Variants in FAN1 observed in about 807,000 individuals in gnomAD.
FAN1 encodes the protein fanconi-associated nuclease 1.
A neutral mutation model predicts 104.9 loss-of-function variants in FAN1; 91 were observed. The observed-to-expected ratio is 0.87, with a 90% CI of 0.73 to 1.03. The LOEUF (loss-of-function observed/expected upper bound fraction) is 1.03, where lower values mean the gene tolerates loss of function less well. Among genes scored for constraint, FAN1 ranks in the 50% least tolerant of loss-of-function variants. FAN1 has a pLI of 0.00. For missense variants in FAN1, 1,263 were observed against 1,239.9 expected, an observed-to-expected ratio of 1.02 and a Z score of -0.28; for synonymous variants, 478 against 457.6, an observed-to-expected ratio of 1.04 and a Z score of -0.57.
intron 13 of FAN1, 130 bp from the exon 14 acceptor site, chr15:30,936,989 G>A: frequency 1.4e-6 from 1 of 733,872 alleles, no homozygotes; most frequent in East Asian, 2.5e-5. Flanking sequence ...GTATATTTGT[G>A]TTACACTTAC....
Position 30,932,221 on chromosome 15 carries a change from C to CAAAAAAAA in FAN1, c.2916+1564_2916+1571dup, listed in dbSNP as rs766829435. On this transcript the variant is annotated intron_variant, in intron 13 of 14. Transcript: ENST00000362065. ...TGGGCAACAGAGCGAGACTCCATCT[C>CAAAAAAAA]AAAAAAAAAAAAAAAAAAAAAGCCA... Among the ~76,000 whole-genome samples the CAAAAAAAA allele has an allele frequency of 1.0e-4, 5 of 49,506 alleles. 2 individuals are homozygous for CAAAAAAAA. The highest frequency in any genetic ancestry group is 2.3e-4 in the Non-Finnish European group (5 of 22,160). 32.5% of individuals were successfully genotyped at this position (49,506 alleles called of 152,430 possible). A position where few individuals can be genotyped will look rare whatever the true frequency, so the allele number is the denominator to read the frequency against.
chr15:30,938,056 C>T (rs373873710), intron 14 of FAN1, among the ~76,000 whole-genome samples: 7 of 151,906 alleles, frequency 4.6e-5, no homozygotes, highest in Admixed American at 3.3e-4. Context: ...TGGTGGCACA[C>T]GCCTGTGGTC....
rs1322721327 is a variant in FAN1 at position 30,941,854 on chromosome 15, A to G, written c.*292A>G. 1.2e-5 allele frequency: 19 copies of G among 1,613,940 alleles called. No individual in the cohort carries two copies. The highest frequency in any genetic ancestry group is 1.6e-4 in the Middle Eastern group (1 of 6,084). ...GTTTCCACAGTTTTATGTGTGTTCC[A>G]GAGACACGTGGCAGAATAACACCGT... On this transcript the variant is annotated 3_prime_UTR_variant, in exon 15 of 15. Coordinates refer to ENST00000362065, the MANE Select transcript of FAN1 (RefSeq NM_014967.5).
At chr15:30,931,518 G>GT (rs1276104096) in intron 13 of FAN1, among the ~76,000 whole-genome samples, 3 of 152,154 alleles carry the variant, frequency 2.0e-5, no homozygotes, top group African/African-American at 7.2e-5. Context: ...GTCACAAAGA[G>GT]TTTCTCCTTT....
intron 11 of FAN1, 62 bp downstream of exon 11, chr15:30,928,718 C>T: frequency 1.9e-6 from 3 of 1,608,376 alleles, no homozygotes; most frequent in Non-Finnish European, 2.5e-6. Context: ...CTCACGCCCA[C>T]CTGGGCACCG....
chr15:30,908,163 G>T lies in FAN1; in HGVS notation c.1280G>T (p.Ser427Ile). The T allele has an allele frequency of 6.2e-7, 1 of 1,610,390 alleles. No homozygotes were observed. Among genetic ancestry groups the T allele is most frequent in the East Asian group, 2.2e-5 (1 of 44,802 alleles). Residue 427 changes from serine (S) to isoleucine (I), a missense_variant, in exon 3 of 15, where the codon AGC becomes ATC. Transcript: ENST00000362065. Reference protein sequence around the residue: ...LYVRLFQRKLSWIKMTKLEYE... With the variant: ...LYVRLFQRKLIWIKMTKLEYE... ...GTAAGGCTCTTTCAACGTAAATTAA[G>T]CTGGATTAAGATGACCAAATTAGAG...
At position 30,908,104 on chromosome 15, in the gene FAN1, T is replaced by C. The variant is rs760664761; in HGVS notation, c.1235-14T>C. The C allele has an allele frequency of 5.7e-6, 9 of 1,583,378 alleles. No homozygotes were observed. Among genetic ancestry groups the C allele is most frequent in the Admixed American group, 3.8e-5 (2 of 52,918 alleles). On this transcript the variant is annotated splice_polypyrimidine_tract_variant and intron_variant, in intron 2 of 14. Coordinates refer to ENST00000362065, the MANE Select transcript of FAN1 (RefSeq NM_014967.5). The stretch of plus-strand genomic sequence containing the variant: ...ATGCAGTGATTTTCAACATTTTTCT[T>C]AACTTTATTGCAGCTACTGGTCAGA...
chr15:30,941,477 T>A, intron 14 of FAN1, 89 bp from the exon 15 acceptor site: 1 of 1,604,014 alleles, frequency 6.2e-7, no homozygotes, highest in Non-Finnish European at 8.5e-7. Flanking sequence ...ATTTTAGTCT[T>A]CATTTGCTAA....
rs142567267 is a variant in FAN1 at position 30,907,068 on chromosome 15, CT to C, written c.1235-1037del. On this transcript the variant is annotated intron_variant, in intron 2 of 14. Transcript: ENST00000362065. Reference sequence around the variant, plus strand: ...AATAATTACTGCTAATTGTTTTTGCCTTTTTTTTTTTTTAATTTTAAGTTCT... The same window carrying C: ...AATAATTACTGCTAATTGTTTTTGCCTTTTTTTTTTTTAATTTTAAGTTCT... Among the ~76,000 whole-genome samples, 1,076 of 140,084 alleles carry C rather than the reference CT, an allele frequency of 7.7e-3. 2 individuals carry two copies. The highest frequency in any genetic ancestry group is 0.015 in the African/African-American group (572 of 38,502). 91.9% of individuals were successfully genotyped at this position (140,084 alleles called of 152,430 possible). A position where few individuals can be genotyped will look rare whatever the true frequency, so the allele number is the denominator to read the frequency against.
rs191421881 is a variant in FAN1, at chr15:30,907,929, T to G, written c.1235-189T>G. 4.4e-3 allele frequency among the ~76,000 whole-genome samples: 668 copies of G among 152,338 alleles called. 17 individuals carry two copies. The highest frequency in any genetic ancestry group is 3.1e-3 in the East Asian group (16 of 5,190). On this transcript the variant is annotated intron_variant, in intron 2 of 14. Transcript: ENST00000362065. The stretch of plus-strand genomic sequence containing the variant: ...TGTCTAGAAAATGGGGAACTTGATC[T>G]TAGAAGTTTTAAAATGACCAATAAT...
rs374865230 is a variant in FAN1, at chr15:30,927,039, C to T, written c.2488+1100C>T. ...TAGGAGTTAAGGAACGAACCAGGCA[C>T]GGTAGCTTACACTTGTAATCCCAGC... On this transcript the variant is annotated intron_variant, in intron 10 of 14. Coordinates refer to ENST00000362065, the MANE Select transcript of FAN1 (RefSeq NM_014967.5). The T allele has an allele frequency of 1.9e-4, 190 of 984,390 alleles. 4 individuals carry two copies. In the South Asian group the frequency reaches 6.6e-3, roughly 34 times the overall value. 61.0% of individuals were successfully genotyped at this position (984,390 alleles called of 1,614,324 possible). A position where few individuals can be genotyped will look rare whatever the true frequency, so the allele number is the denominator to read the frequency against.
chr15:30,938,589 G>A (rs937957499), intron 14 of FAN1, among the ~76,000 whole-genome samples: 1 of 152,194 alleles, frequency 6.6e-6, no homozygotes. Context: ...CTGGGCAAGG[G>A]GGTGTGGTAG....
At chr15:30,911,971 A>T (rs1428635112) in intron 4 of FAN1, among the ~76,000 whole-genome samples, 2 of 151,726 alleles carry the variant, frequency 1.3e-5, no homozygotes, top group South Asian at 4.2e-4. Flanking sequence ...CTGAGTCAGG[A>T]GAATTGCCTG....
chr15:30,905,948 C>G (rs2061969602), intron 2 of FAN1, 51 bp downstream of exon 2: 1 of 1,518,866 alleles, frequency 6.6e-7, no homozygotes, highest in Non-Finnish European at 8.9e-7. Context: ...TTTTGCTGCT[C>G]TGATTGGGGC....
intron 5 of FAN1, among the ~76,000 whole-genome samples, chr15:30,914,686 C>T (rs2062166394): frequency 6.6e-6 from 1 of 152,106 alleles, no homozygotes; most frequent in Non-Finnish European, 1.5e-5. Context: ...TTGACACAGA[C>T]ATATTAACAA....
chr15:30,938,031 A>G (rs1595893232), intron 14 of FAN1, among the ~76,000 whole-genome samples: 2 of 151,926 alleles, frequency 1.3e-5, no homozygotes, highest in Admixed American at 1.3e-4. Context: ...AAAAATACAA[A>G]AAATTGGGTG....
intron 5 of FAN1, among the ~76,000 whole-genome samples, chr15:30,916,354 G>A (rs145020891): frequency 8.1e-4 from 124 of 152,220 alleles, no homozygotes; most frequent in African/African-American, 2.9e-3. Context: ...TGCATGGGAA[G>A]TGCTTAAAGC....
chr15:30,929,138 T>TA (rs2062547425), intron 11 of FAN1, 65 bp from the exon 12 acceptor site: 3 of 1,423,380 alleles, frequency 2.1e-6, no homozygotes, highest in Non-Finnish European at 2.9e-6. Flanking sequence ...ATGTACTGAC[T>TA]AGTCCTCTGG....
chr15:30,937,352 A>G (rs2062885019), intron 14 of FAN1, 93 bp downstream of exon 14: 1 of 1,227,136 alleles, frequency 8.1e-7, no homozygotes, highest in South Asian at 1.5e-5. Flanking sequence ...TGCATTATAA[A>G]CCTGATAGTT....
Sources: allele counts gnomAD v4.1 joint callset (sites outside exome capture counted in the v4.1 genomes callset), GRCh38; gene constraint gnomAD v4.1.1; transcripts MANE v1.5; gene names NCBI Gene and HGNC (gene_info 2026-07-23, HGNC 2026-07-21).